Variants in GARIN1A observed in about 807,000 individuals in gnomAD.
The protein encoded by GARIN1A is golgi associated RAB2 interactor 1A.
At chr7:128,705,810 G>A in the GARIN1A span, among the ~76,000 whole-genome samples, 2 of 151,672 alleles carry the variant, frequency 1.3e-5, no homozygotes, top group Admixed American at 6.6e-5. Flanking sequence ...GACCACAGGC[G>A]CGTGCCACTA....
chr7:128,697,197 A>G, the GARIN1A span, among the ~76,000 whole-genome samples: 1 of 152,200 alleles, frequency 6.6e-6, no homozygotes, highest in East Asian at 1.9e-4. Context: ...TAAAGCCAGC[A>G]GGAAAAGACA....
the GARIN1A span, among the ~76,000 whole-genome samples, chr7:128,672,705 G>C: frequency 6.6e-6 from 1 of 152,042 alleles, no homozygotes; most frequent in Non-Finnish European, 1.5e-5. Context: ...AGAAGGTCTG[G>C]GTCCCAAGTT....
chr7:128,674,290 TA>T, the GARIN1A span, among the ~76,000 whole-genome samples: 2 of 152,026 alleles, frequency 1.3e-5, no homozygotes, highest in Admixed American at 6.6e-5. Context: ...TTTGATTTTT[TA>T]AAAAAAAATT....
At chr7:128,675,618 A>ATTT in the GARIN1A span, 1 of 1,578,432 alleles carries the variant, frequency 6.3e-7, no homozygotes, top group Admixed American at 1.7e-5. Context: ...CAGCATCTGT[A>ATTT]TTCCACCCCT....
At chr7:128,703,142 TA>T in the GARIN1A span, among the ~76,000 whole-genome samples, 1 of 152,174 alleles carries the variant, frequency 6.6e-6, no homozygotes, top group East Asian at 1.9e-4. Flanking sequence ...AAATAGGCCA[TA>T]AAAATCAGTA....
the GARIN1A span, chr7:128,679,953 C>A: frequency 2.7e-6 from 2 of 741,232 alleles, no homozygotes; most frequent in South Asian, 2.2e-5. Context: ...ATCACAAACC[C>A]CTTCAAAGTT....
chr7:128,686,355 A>T, the GARIN1A span: 1 of 152,238 alleles, frequency 6.6e-6, no homozygotes, highest in African/African-American at 2.4e-5. Flanking sequence ...ACCACACCAC[A>T]AGCCATTGAG....
At chr7:128,702,101 C>G in the GARIN1A span, among the ~76,000 whole-genome samples, 1 of 152,008 alleles carries the variant, frequency 6.6e-6, no homozygotes, top group South Asian at 2.1e-4. Context: ...AAACCTTTCC[C>G]AGACAAATGA....
At chr7:128,679,091 T>A in the GARIN1A span, among the ~76,000 whole-genome samples, 76 of 150,270 alleles carry the variant, frequency 5.1e-4, no homozygotes, top group Admixed American at 8.6e-4. Flanking sequence ...AAGATTGTTT[T>A]TATATATATA....
the GARIN1A span, chr7:128,690,677 A>T: frequency 2.0e-5 from 3 of 152,228 alleles, no homozygotes; most frequent in Non-Finnish European, 1.5e-5. Flanking sequence ...AATTTTTCAT[A>T]CAACTCTTCC....
the GARIN1A span, among the ~76,000 whole-genome samples, chr7:128,689,238 A>G: frequency 1.3e-5 from 2 of 152,084 alleles, no homozygotes; most frequent in African/African-American, 2.4e-5. Context: ...CTGGGAAGTG[A>G]GAAGCGTCTC....
chr7:128,677,851 G>A, the GARIN1A span: 16 of 1,514,328 alleles, frequency 1.1e-5, no homozygotes, highest in South Asian at 1.4e-4. Flanking sequence ...CGAGAAATAA[G>A]TATATATAAG....
At chr7:128,675,615 T>C in the GARIN1A span, 8 of 1,543,942 alleles carry the variant, frequency 5.2e-6, no homozygotes, top group Non-Finnish European at 7.1e-6. Flanking sequence ...TTCCAGCATC[T>C]GTATTCCACC....
chr7:128,702,305 A>C, the GARIN1A span, among the ~76,000 whole-genome samples: 1 of 152,256 alleles, frequency 6.6e-6, no homozygotes, highest in Non-Finnish European at 1.5e-5. Flanking sequence ...AGGTAAAGCA[A>C]AAATAGTGGC....
At chr7:128,688,978 T>G in the GARIN1A span, among the ~76,000 whole-genome samples, 1 of 151,338 alleles carries the variant, frequency 6.6e-6, no homozygotes, top group South Asian at 2.1e-4. Flanking sequence ...TTTTCGTATT[T>G]TTTTGGTGGA....
chr7:128,675,814 C>T, the GARIN1A span: 12 of 1,613,758 alleles, frequency 7.4e-6, no homozygotes, highest in Non-Finnish European at 2.5e-6. Context: ...GGTCCATTTA[C>T]CACCTGGAGC....
chr7:128,701,832 CA>C, the GARIN1A span, among the ~76,000 whole-genome samples: 6 of 152,110 alleles, frequency 3.9e-5, no homozygotes, highest in Admixed American at 6.6e-5. Flanking sequence ...GAGAGGAACT[CA>C]GAACTCATTG....
chr7:128,672,655 G>A, the GARIN1A span: 20 of 577,090 alleles, frequency 3.5e-5, 5 homozygotes, highest in Middle Eastern at 2.1e-3. Flanking sequence ...GGGGAGGGGG[G>A]GGCGGGGGGA....
chr7:128,687,533 C>T, the GARIN1A span: 1 of 152,300 alleles, frequency 6.6e-6, no homozygotes, highest in African/African-American at 2.4e-5. Flanking sequence ...AGGAGTGTTA[C>T]AAGAAGACCA....
Sources: allele counts gnomAD v4.1 joint callset (sites outside exome capture counted in the v4.1 genomes callset), GRCh38; gene constraint gnomAD v4.1.1; transcripts MANE v1.5; gene names NCBI Gene and HGNC (gene_info 2026-07-23, HGNC 2026-07-21).